XAGE2: variants seen among roughly 807,000 people sequenced by gnomAD.
XAGE2 encodes X antigen family member 2.
In XAGE2, 7 loss-of-function variants were observed where a neutral mutation model predicts 9.9. The ratio of observed to expected loss-of-function variants is 0.71; its 90% CI spans 0.40 to 1.32. XAGE2 has a LOEUF of 1.32. Among genes scored for constraint, XAGE2 ranks in the 40% most tolerant of loss-of-function variants. The probability of loss-of-function intolerance (pLI) is 0.01; values close to 1 mark genes in which losing one functional copy is unlikely to be tolerated. For missense variants in XAGE2, 85 were observed against 81.0 expected, an observed-to-expected ratio of 1.05 and a Z score of -0.19; for synonymous variants, 31 against 26.8, an observed-to-expected ratio of 1.16 and a Z score of -0.48.
chrX:52,375,080 A>C (rs1429300486), intron 4 of XAGE2, among the ~76,000 whole-genome samples: 2 of 111,980 alleles, frequency 1.8e-5, no homozygotes, highest in Middle Eastern at 4.2e-3. Context: ...GCAGCTTCTA[A>C]TGTGACATTA....
chrX:52,371,019 C>A (rs1921175893), intron 3 of XAGE2, among the ~76,000 whole-genome samples: 1 of 111,491 alleles, frequency 9.0e-6, no homozygotes, highest in African/African-American at 3.3e-5. Flanking sequence ...GCCATGGTGT[C>A]CACAGTGTTA....
intron 2 of XAGE2, 46 bp from the exon 3 acceptor site, chrX:52,370,520 TA>T (rs1921162853): frequency 1.9e-6 from 2 of 1,074,307 alleles, no homozygotes; most frequent in Non-Finnish European, 2.6e-6. Flanking sequence ...CATGTATTAC[TA>T]ACAAAACTTT....
At chrX:52,371,099 T>C (rs1171741934) in intron 3 of XAGE2, among the ~76,000 whole-genome samples, 1 of 111,552 alleles carries the variant, frequency 9.0e-6, no homozygotes, top group African/African-American at 3.3e-5. Flanking sequence ...AAAGCCCATT[T>C]GCATAGGGAT....
rs1204919933 is a variant in XAGE2, at chrX:52,371,287, T to C, written c.187+615T>C. Among the ~76,000 whole-genome samples the C allele has an allele frequency of 6.2e-5, 7 of 112,202 alleles. No individual in the cohort carries two copies. The East Asian group carries it at 1.7e-3, about 27-fold the overall frequency. ...AACGCTTAATACTCGAATGTGTCTG[T>C]ACTGTAAGGTACTTGAGTATTGGCT... On this transcript the variant is annotated intron_variant, in intron 3 of 4. Coordinates refer to ENST00000286049, the MANE Select transcript of XAGE2 (RefSeq NM_130777.3).
intron 1 of XAGE2, 95 bp from the exon 2 acceptor site, chrX:52,369,912 T>C: frequency 5.2e-6 from 5 of 970,744 alleles, no homozygotes; most frequent in Non-Finnish European, 5.9e-6. Context: ...TTCCAAACTT[T>C]TTTAAAAACT....
At chrX:52,370,240 A>C (rs1921157344) in intron 2 of XAGE2, 145 bp downstream of exon 2, 1 of 673,703 alleles carries the variant, frequency 1.5e-6, no homozygotes, top group Non-Finnish European at 2.3e-6. Flanking sequence ...CTAATCCAAG[A>C]GTATTACAAT....
chrX:52,373,282 G>T (rs1921236959), intron 4 of XAGE2, among the ~76,000 whole-genome samples: 1 of 112,248 alleles, frequency 8.9e-6, no homozygotes. Flanking sequence ...AAAATGAGCA[G>T]GCACTCTGCT....
At chrX:52,372,906 C>T (rs1013848460) in intron 4 of XAGE2, among the ~76,000 whole-genome samples, 5 of 112,271 alleles carry the variant, frequency 4.5e-5, no homozygotes, top group Non-Finnish European at 9.4e-5. Flanking sequence ...TTTCTTACTT[C>T]TGAGTATAAC....
rs981197478 is a variant in XAGE2 at position 52,372,551 on chromosome X, C to T, written c.195C>T (p.Asp65=). ...AACCTTTGTATTTTTTAGTGCCTGA[C>T]CTGGAAGCCGATCTCCAGGAGCTAT... is the stretch of plus-strand genomic sequence containing the variant. ...DQGAAEIQVP[D]LEADLQELCQ... The change falls in exon 4 of 5, where the codon GAC becomes GAT. Residue 65 remains aspartate, a synonymous_variant. Coordinates refer to ENST00000286049, the MANE Select transcript of XAGE2 (RefSeq NM_130777.3). The T allele has an allele frequency of 4.0e-5, 48 of 1,208,821 alleles. No individual in the cohort carries two copies. The African/African-American group carries it at 5.4e-4, about 14-fold the overall frequency.
At position 52,370,654 on chromosome X, in the gene XAGE2, G is replaced by C. The variant is rs915567685; in HGVS notation, c.169G>C (p.Gly57Arg). The change falls in exon 3 of 5, where the codon GGT becomes CGT. Residue 57 changes from glycine (G) to arginine (R), a missense_variant. Physicochemically the swap from Gly to Arg is moderately radical, Grantham distance 125 (BLOSUM62 -2). Transcript: ENST00000286049. The part of the protein sequence containing the change: ...TPDQKREDDQ[G>R]AAEIQVPDLE... ...TGATCAGAAGAGAGAAGATGATCAGGGTGCAGCTGAGATTCAAGGTGCTGG... is the reference window on the plus strand; with the variant it reads ...TGATCAGAAGAGAGAAGATGATCAGCGTGCAGCTGAGATTCAAGGTGCTGG... The C allele has an allele frequency of 1.7e-6, 2 of 1,208,740 alleles. No individual in the cohort carries two copies. The highest frequency in any genetic ancestry group is 3.5e-5 in the African/African-American group (2 of 56,903).
At chrX:52,370,481 C>A in intron 2 of XAGE2, 86 bp from the exon 3 acceptor site, 1 of 765,662 alleles carries the variant, frequency 1.3e-6, no homozygotes, top group Non-Finnish European at 2.0e-6. Flanking sequence ...TTAGAAATAC[C>A]TGTGTATTCT....
intron 4 of XAGE2, among the ~76,000 whole-genome samples, chrX:52,374,968 T>C (rs1188495549): frequency 8.9e-6 from 1 of 112,075 alleles, no homozygotes; most frequent in African/African-American, 3.2e-5. Flanking sequence ...CATACCTTAA[T>C]ATCTACAGAA....
intron 3 of XAGE2, among the ~76,000 whole-genome samples, chrX:52,371,033 G>A (rs1367883979): frequency 5.0e-4 from 56 of 111,578 alleles, no homozygotes; most frequent in African/African-American, 1.8e-3. Flanking sequence ...AGTGTTATAA[G>A]CACCCTTTTA....
intron 4 of XAGE2, among the ~76,000 whole-genome samples, chrX:52,373,621 A>G (rs1035990969): frequency 5.4e-5 from 6 of 112,019 alleles, no homozygotes; most frequent in Non-Finnish European, 9.4e-5. Flanking sequence ...GTTACATATT[A>G]CAGGTTTCTG....
chrX:52,370,675 G>A lies in XAGE2; in HGVS notation c.187+3G>A. The stretch of plus-strand genomic sequence containing the variant: ...TCAGGGTGCAGCTGAGATTCAAGGT[G>A]CTGGGAAAGGAAAGAAATAATGCCT... On this transcript the variant is annotated splice_donor_region_variant and intron_variant, in intron 3 of 4. Transcript: ENST00000286049. 8.3e-7 allele frequency: 1 copy of A among 1,207,509 alleles called. No individual in the cohort carries two copies. Among genetic ancestry groups the A allele is most frequent in the African/African-American group, 1.7e-5 (1 of 57,455 alleles).
intron 3 of XAGE2, among the ~76,000 whole-genome samples, chrX:52,372,196 C>CA (rs1193969252): frequency 9.1e-6 from 1 of 109,479 alleles, no homozygotes; most frequent in African/African-American, 3.3e-5. Flanking sequence ...TTTTCTCTGC[C>CA]AAAAAAATAC....
intron 1 of XAGE2, 102 bp from the exon 2 acceptor site, chrX:52,369,905 C>A: frequency 1.1e-6 from 1 of 925,336 alleles, no homozygotes; most frequent in Non-Finnish European, 1.6e-6. Context: ...AAATTATTTC[C>A]AAACTTTTTT....
intron 4 of XAGE2, among the ~76,000 whole-genome samples, chrX:52,374,394 G>A (rs1168004730): frequency 1.8e-5 from 2 of 110,834 alleles, no homozygotes; most frequent in African/African-American, 6.6e-5. Flanking sequence ...CACCATGCCT[G>A]GCTATTTTTT....
chrX:52,369,963 A>G, intron 1 of XAGE2, 44 bp from the exon 2 acceptor site: 2 of 1,159,888 alleles, frequency 1.7e-6, no homozygotes, highest in Non-Finnish European at 2.4e-6. Context: ...AAATACAGCT[A>G]TCCTCTCAAA....
Sources: gnomAD v4.1 joint callset for allele counts (sites outside exome capture counted in the v4.1 genomes callset) on GRCh38, gnomAD v4.1.1 for gene constraint, MANE v1.5 for transcripts, NCBI Gene and HGNC (gene_info 2026-07-23, HGNC 2026-07-21) for gene names.